Variants in UBE2D2 observed in about 807,000 individuals in gnomAD.
The protein encoded by UBE2D2 is ubiquitin conjugating enzyme E2 D2.
In UBE2D2, 2 loss-of-function variants were observed where a neutral mutation model predicts 24.2. That is an observed-to-expected ratio of 0.08 (90% CI 0.03 to 0.26). The LOEUF (loss-of-function observed/expected upper bound fraction) is 0.26. Ranked by LOEUF, UBE2D2 falls within the 10% of genes least tolerant of loss-of-function variation. The probability of loss-of-function intolerance (pLI) is 1.00; values close to 1 mark genes in which losing one functional copy is unlikely to be tolerated. For synonymous variants in UBE2D2, 58 were observed against 56.5 expected, an observed-to-expected ratio of 1.03 and a Z score of -0.12; for missense variants, 44 against 177.6, an observed-to-expected ratio of 0.25 and a Z score of 4.28.
chr5:139,600,500 T>G, intron 2 of UBE2D2, 65 bp downstream of exon 2: 1 of 1,547,112 alleles, frequency 6.5e-7, no homozygotes, highest in Admixed American at 1.8e-5. Flanking sequence ...GAAGAAACAA[T>G]TATGGTATAG....
Position 139,628,326 on chromosome 5 carries a change from C to T in UBE2D2, c.*1525C>T, listed in dbSNP as rs1013214588. 6.6e-6 allele frequency: 1 copy of T among 152,632 alleles called. No individual in the cohort carries two copies. The highest frequency in any genetic ancestry group is 2.4e-5 in the African/African-American group (1 of 41,458). The allele number at this position is 152,632 out of a possible 1,614,324, so 9.5% of individuals were successfully genotyped here. A position where few individuals can be genotyped will look rare whatever the true frequency, so the allele number is the denominator to read the frequency against. On this transcript the variant is annotated 3_prime_UTR_variant, in exon 7 of 7. Coordinates refer to ENST00000398733, the MANE Select transcript of UBE2D2 (RefSeq NM_003339.3). ...CTTCTTTTCCTAATTGTAAACTAGG[C>T]CAACCTGAAAGCCATGGCTGATGCT...
At chr5:139,605,612 AAAG>A (rs1293024428) in intron 2 of UBE2D2, among the ~76,000 whole-genome samples, 93 of 150,000 alleles carry the variant, frequency 6.2e-4, no homozygotes, top group African/African-American at 2.2e-3. Flanking sequence ...AAAAAAAAAA[AAAG>A]AAAAGAAAGA....
At chr5:139,550,086 A>T (rs1307279092) in intron 1 of UBE2D2, among the ~76,000 whole-genome samples, 2 of 151,506 alleles carry the variant, frequency 1.3e-5, no homozygotes, top group African/African-American at 4.9e-5. Flanking sequence ...TGTCTAATCT[A>T]GTGGGGACTT....
chr5:139,548,184 T>TAAAAATAAA (rs1752861227), intron 1 of UBE2D2, among the ~76,000 whole-genome samples: 7 of 46,886 alleles, frequency 1.5e-4, no homozygotes, highest in Admixed American at 5.2e-4. Flanking sequence ...AAAAAAAAAA[T>TAAAAATAAA]AAAAAAAAAA....
intron 1 of UBE2D2, among the ~76,000 whole-genome samples, chr5:139,527,028 C>T (rs1002289543): frequency 4.0e-5 from 6 of 151,822 alleles, no homozygotes; most frequent in Non-Finnish European, 5.9e-5. Context: ...ATGGGTCAGG[C>T]GCAAAGTAAG....
intron 1 of UBE2D2, chr5:139,562,148 G>T: frequency 7.7e-7 from 1 of 1,292,552 alleles, no homozygotes; most frequent in Non-Finnish European, 1.0e-6. Flanking sequence ...CGGGGTTGGG[G>T]CCGAGGGGGG....
intron 1 of UBE2D2, among the ~76,000 whole-genome samples, chr5:139,572,680 C>T (rs1341715494): frequency 1.1e-4 from 16 of 146,496 alleles, no homozygotes; most frequent in African/African-American, 3.8e-4. Context: ...GAGACTTGCT[C>T]TGTTGCCCAG....
intron 1 of UBE2D2, among the ~76,000 whole-genome samples, chr5:139,598,552 C>CTTTTTTT (rs746165110): frequency 3.8e-5 from 4 of 104,952 alleles, no homozygotes; most frequent in African/African-American, 8.3e-5. Flanking sequence ...ACTACAAAGC[C>CTTTTTTT]TTTTTTTTTT....
chr5:139,608,675 T>TG (rs1754248252), intron 2 of UBE2D2, among the ~76,000 whole-genome samples: 1 of 152,220 alleles, frequency 6.6e-6, no homozygotes, highest in South Asian at 2.1e-4. Flanking sequence ...TCAACCCTGT[T>TG]GGGGATTCTG....
At chr5:139,570,272 AAAC>A (rs561129243) in intron 1 of UBE2D2, among the ~76,000 whole-genome samples, 5 of 152,090 alleles carry the variant, frequency 3.3e-5, no homozygotes, top group East Asian at 1.9e-4. Context: ...TTCTGTGTCA[AAAC>A]AACAACAACA....
chr5:139,590,981 A>AG (rs765445067), intron 1 of UBE2D2, among the ~76,000 whole-genome samples: 2 of 150,086 alleles, frequency 1.3e-5, no homozygotes, highest in Non-Finnish European at 3.0e-5. Flanking sequence ...TTTAGTAGAG[A>AG]GGGGGGCGTT....
chr5:139,552,351 A>G (rs1489311482), intron 1 of UBE2D2, among the ~76,000 whole-genome samples: 1 of 151,540 alleles, frequency 6.6e-6, no homozygotes, highest in Non-Finnish European at 1.5e-5. Flanking sequence ...TATTTTTAGT[A>G]GAGACGGGGT....
chr5:139,543,913 A>G (rs1752789072), intron 1 of UBE2D2, among the ~76,000 whole-genome samples: 1 of 152,254 alleles, frequency 6.6e-6, no homozygotes, highest in Admixed American at 6.5e-5. Context: ...TTTCCCACAG[A>G]GAGCCATTGA....
intron 1 of UBE2D2, chr5:139,562,305 A>C (rs775232028): frequency 8.9e-6 from 12 of 1,351,062 alleles, no homozygotes; most frequent in Non-Finnish European, 7.8e-6. Context: ...CCGATCCACA[A>C]GTATATCCTG....
At chr5:139,601,219 AT>A (rs1214410969) in intron 2 of UBE2D2, among the ~76,000 whole-genome samples, 3 of 152,108 alleles carry the variant, frequency 2.0e-5, no homozygotes, top group East Asian at 1.9e-4. Context: ...TTTCAACATA[AT>A]TTTTTCCCAT....
At chr5:139,551,136 G>A (rs1359414516) in intron 1 of UBE2D2, among the ~76,000 whole-genome samples, 1 of 152,146 alleles carries the variant, frequency 6.6e-6, no homozygotes, top group Non-Finnish European at 1.5e-5. Context: ...TCTGAAGTCA[G>A]GAGTTCGAGA....
chr5:139,574,239 C>T (rs1581501653), intron 1 of UBE2D2, among the ~76,000 whole-genome samples: 1 of 138,084 alleles, frequency 7.2e-6, no homozygotes, highest in Non-Finnish European at 1.5e-5. Flanking sequence ...TGAGATTGCA[C>T]ACTGCACTCC....
At chr5:139,574,141 C>T (rs1160622550) in intron 1 of UBE2D2, among the ~76,000 whole-genome samples, 12 of 140,476 alleles carry the variant, frequency 8.5e-5, no homozygotes, top group Non-Finnish European at 9.2e-5. Flanking sequence ...AGTGCTATGG[C>T]GTGGTGGTGG....
At chr5:139,604,774 C>A (rs1283147095) in intron 2 of UBE2D2, among the ~76,000 whole-genome samples, 3 of 151,366 alleles carry the variant, frequency 2.0e-5, no homozygotes. Context: ...CACCTACTCA[C>A]AAGGCTGAGG....
Sources: gnomAD v4.1 joint callset for allele counts (sites outside exome capture counted in the v4.1 genomes callset) on GRCh38, gnomAD v4.1.1 for gene constraint, MANE v1.5 for transcripts, NCBI Gene and HGNC (gene_info 2026-07-23, HGNC 2026-07-21) for gene names.